The following MALRD1 variants were observed in gnomAD, a reference collection of about 807,000 sequenced individuals.
MALRD1 encodes the protein MAM and LDL-receptor class A domain-containing protein 1.
MALRD1 carries 247 observed loss-of-function variants against 242.1 expected under a neutral mutation model. The observed-to-expected ratio is 1.02, with a 90% CI of 0.92 to 1.13. The LOEUF is 1.13. Ranked by LOEUF, MALRD1 falls within the 50% of genes most tolerant of loss-of-function variation. MALRD1 has a pLI of 0.00. For synonymous variants in MALRD1, 995 were observed against 866.6 expected (o/e 1.15, Z -2.60); for missense variants, 2,989 against 2,533.1 (o/e 1.18, Z -3.86).
intron 31 of MALRD1, among the ~76,000 whole-genome samples, chr10:19,515,690 G>T (rs1833595335): frequency 6.6e-6 from 1 of 151,946 alleles, no homozygotes; most frequent in East Asian, 1.9e-4. Context: ...CTCCCGAGTA[G>T]CTGGGACTAC....
intron 34 of MALRD1, among the ~76,000 whole-genome samples, chr10:19,604,600 A>G (rs1049990989): frequency 1.3e-5 from 2 of 152,172 alleles, no homozygotes; most frequent in African/African-American, 2.4e-5. Flanking sequence ...ATCTAGATCT[A>G]GCTAAAATCA....
intron 36 of MALRD1, among the ~76,000 whole-genome samples, chr10:19,668,420 C>G (rs1422879896): frequency 6.6e-6 from 1 of 152,136 alleles, no homozygotes; most frequent in Admixed American, 6.5e-5. Flanking sequence ...GTCACCCAAT[C>G]CAGCCCACGC....
intron 12 of MALRD1, among the ~76,000 whole-genome samples, chr10:19,160,856 T>G (rs1335522383): frequency 4.7e-4 from 62 of 133,140 alleles, no homozygotes; most frequent in African/African-American, 1.4e-3. Context: ...TCTCTCTTTT[T>G]TTCTTTATTA....
Position 19,538,884 on chromosome 10 carries a change from A to G in MALRD1, c.5478+7533A>G, listed in dbSNP as rs576799150. On this transcript the variant is annotated intron_variant, in intron 32 of 39. Transcript: ENST00000454679. The stretch of plus-strand genomic sequence containing the variant: ...AAACCGATAGTTCGTATTTCAGAAC[A>G]AGTAGCCTATGGTGTTGAAATGGTC... Among the ~76,000 whole-genome samples the G allele has an allele frequency of 3.9e-5, 6 of 152,224 alleles. No homozygotes were observed. The East Asian group carries it at 7.7e-4, about 20-fold the overall frequency.
intron 26 of MALRD1, among the ~76,000 whole-genome samples, chr10:19,374,111 A>G (rs988367529): frequency 6.6e-6 from 1 of 152,214 alleles, no homozygotes; most frequent in African/African-American, 2.4e-5. Flanking sequence ...TGCATACATT[A>G]GCTACTTTTT....
chr10:19,655,415 A>G (rs1841095766), intron 36 of MALRD1, among the ~76,000 whole-genome samples: 1 of 151,098 alleles, frequency 6.6e-6, no homozygotes, highest in African/African-American at 2.4e-5. Flanking sequence ...TCTTCAATGT[A>G]ATTATTGTTG....
chr10:19,071,511 C>A (rs1835147638), intron 2 of MALRD1, among the ~76,000 whole-genome samples: 2 of 152,008 alleles, frequency 1.3e-5, no homozygotes, highest in South Asian at 4.2e-4. Flanking sequence ...CACTTAAGTT[C>A]CCTATCCCTT....
At chr10:19,136,112 A>G (rs560818958) in intron 9 of MALRD1, among the ~76,000 whole-genome samples, 1 of 152,268 alleles carries the variant, frequency 6.6e-6, no homozygotes, top group African/African-American at 2.4e-5. Flanking sequence ...TTCAAATACT[A>G]ATTTCACTAG....
At chr10:19,362,648 G>A (rs1181706057) in intron 26 of MALRD1, among the ~76,000 whole-genome samples, 1 of 152,150 alleles carries the variant, frequency 6.6e-6, no homozygotes, top group African/African-American at 2.4e-5. Context: ...GAGAGGAGAT[G>A]GGGAGGCAGG....
chr10:19,504,309 T>C (rs149735692), intron 31 of MALRD1, among the ~76,000 whole-genome samples: 11 of 152,172 alleles, frequency 7.2e-5, no homozygotes, highest in East Asian at 3.9e-4. Context: ...ATCACTGTAG[T>C]GTGTTCTTTC....
chr10:19,506,604 A>G (rs1265790294), intron 31 of MALRD1, among the ~76,000 whole-genome samples: 7 of 152,156 alleles, frequency 4.6e-5, no homozygotes, highest in African/African-American at 1.4e-4. Context: ...ATATTTCCAT[A>G]TACATGTATA....
intron 21 of MALRD1, among the ~76,000 whole-genome samples, chr10:19,289,222 G>A (rs536158222): frequency 1.8e-4 from 27 of 152,208 alleles, no homozygotes; most frequent in Middle Eastern, 3.4e-3. Context: ...TCACATATAA[G>A]TGGTAAAGGT....
At chr10:19,105,198 C>T (rs905105831) in intron 5 of MALRD1, among the ~76,000 whole-genome samples, 30 of 152,082 alleles carry the variant, frequency 2.0e-4, no homozygotes, top group African/African-American at 7.2e-4. Flanking sequence ...CTGGTAACCA[C>T]TATTCTACAC....
intron 18 of MALRD1, among the ~76,000 whole-genome samples, chr10:19,246,695 T>G (rs1010480355): frequency 6.6e-6 from 1 of 152,128 alleles, no homozygotes; most frequent in Non-Finnish European, 1.5e-5. Context: ...ATAACTGAGA[T>G]AAAAGTCCAT....
intron 31 of MALRD1, among the ~76,000 whole-genome samples, chr10:19,528,537 G>A (rs1589198962): frequency 6.6e-6 from 1 of 152,218 alleles, no homozygotes; most frequent in East Asian, 1.9e-4. Context: ...AGGTTGCAGT[G>A]AGCCAATATC....
chr10:19,397,400 A>G (rs1368364706), intron 28 of MALRD1, among the ~76,000 whole-genome samples: 1 of 152,096 alleles, frequency 6.6e-6, no homozygotes, highest in Non-Finnish European at 1.5e-5. Flanking sequence ...TATCAATGTT[A>G]TTGCAAATAA....
chr10:19,727,705 GA>G (rs906398821), intron 38 of MALRD1, among the ~76,000 whole-genome samples: 39 of 149,408 alleles, frequency 2.6e-4, no homozygotes, highest in Admixed American at 7.3e-4. Flanking sequence ...TTCATTGGGG[GA>G]AAAAAAATCA....
At chr10:19,194,382 G>T (rs1259189952) in intron 14 of MALRD1, among the ~76,000 whole-genome samples, 2 of 152,016 alleles carry the variant, frequency 1.3e-5, no homozygotes, top group African/African-American at 4.8e-5. Context: ...AGAGTTCCTG[G>T]TGAGACTCAT....
At chr10:19,300,381 A>C (rs937151054) in intron 21 of MALRD1, among the ~76,000 whole-genome samples, 2 of 152,038 alleles carry the variant, frequency 1.3e-5, no homozygotes, top group African/African-American at 4.8e-5. Flanking sequence ...ATTAATATGC[A>C]ATCAAAAAAG....
Sources: gnomAD v4.1 joint callset for allele counts (sites outside exome capture counted in the v4.1 genomes callset) on GRCh38, gnomAD v4.1.1 for gene constraint, MANE v1.5 for transcripts, NCBI Gene and HGNC (gene_info 2026-07-23, HGNC 2026-07-21) for gene names.